Variants in NRG2 observed in about 807,000 individuals in gnomAD.
NRG2 encodes neuregulin 2.
Under a neutral mutation model 73.9 loss-of-function variants are expected in NRG2, and 27 were observed. That is an observed-to-expected ratio of 0.37 (90% confidence interval 0.27 to 0.50). The LOEUF is 0.50. NRG2 is among the 20% of genes least tolerant of loss of function. The pLI, the probability that NRG2 is intolerant of heterozygous loss-of-function variation, is 0.96. For missense variants in NRG2, 1,126 were observed against 1,210.1 expected (o/e 0.93, Z 1.03); for synonymous variants, 532 against 541.0 (o/e 0.98, Z 0.23).
At chr5:139,945,229 C>T (rs1242565170) in intron 1 of NRG2, among the ~76,000 whole-genome samples, 1 of 151,998 alleles carries the variant, frequency 6.6e-6, no homozygotes, top group African/African-American at 2.4e-5. Context: ...TTGATTGTTT[C>T]CTTTGATATG....
intron 1 of NRG2, among the ~76,000 whole-genome samples, chr5:140,005,155 GC>G (rs1162408090): frequency 6.6e-6 from 1 of 152,118 alleles, no homozygotes; most frequent in Non-Finnish European, 1.5e-5. Flanking sequence ...ACTCCCTGGG[GC>G]CAAAAGCGAG....
chr5:139,874,246 C>T (rs1442272181), intron 3 of NRG2, among the ~76,000 whole-genome samples: 2 of 152,238 alleles, frequency 1.3e-5, no homozygotes, highest in African/African-American at 4.8e-5. Flanking sequence ...ATATCTCTCA[C>T]TATGGTTGCC....
Position 139,904,538 on chromosome 5 carries a change from T to C in NRG2, c.701-17027A>G, listed in dbSNP as rs919296944. The C allele has an allele frequency of 4.0e-6, 2 of 506,318 alleles. No individual in the cohort carries two copies. The highest frequency in any genetic ancestry group is 6.9e-6 in the Non-Finnish European group (2 of 289,196). 31.4% of individuals were successfully genotyped at this position (506,318 alleles called of 1,614,324 possible). On this transcript the variant is annotated intron_variant, in intron 1 of 9. Coordinates refer to ENST00000361474, the MANE Select transcript of NRG2 (RefSeq NM_004883.3). This position sits in a 1 kb window ranked among gnomAD's most constrained non-coding sequence, Gnocchi z 6.0. ...CTCCGGGGGAGGGGAGCAGCGAGCC[T>C]TAACTCTTCCCCTCCCGCGCCCTCC...
In NRG2 at chr5:139,904,281, T is replaced by C; in HGVS notation, c.701-16770A>G. On this transcript the variant is annotated intron_variant, in intron 1 of 9. Coordinates refer to ENST00000361474, the MANE Select transcript of NRG2 (RefSeq NM_004883.3). The surrounding 1 kb of genome is among the most constrained non-coding windows in gnomAD (Gnocchi z 6.0). ...GCAGGTTTCTCCCAGGGAAACCGGG[T>C]TTCTGGGCGCGCGGAGGTGCCCTAC... is the stretch of plus-strand genomic sequence containing the variant. 6.3e-7 allele frequency: 1 copy of C among 1,577,222 alleles called. No homozygotes were observed. Among genetic ancestry groups the C allele is most frequent in the Non-Finnish European group, 8.5e-7 (1 of 1,170,246 alleles).
At chr5:139,907,642 C>T (rs985925616) in intron 1 of NRG2, among the ~76,000 whole-genome samples, 1 of 152,120 alleles carries the variant, frequency 6.6e-6, no homozygotes, top group Admixed American at 6.5e-5. Flanking sequence ...ATGAATGATA[C>T]GAGTCAGAAA....
chr5:139,958,771 C>T (rs1754833829), intron 1 of NRG2, among the ~76,000 whole-genome samples: 1 of 152,200 alleles, frequency 6.6e-6, no homozygotes, highest in Non-Finnish European at 1.5e-5. Flanking sequence ...CACCCCTGTC[C>T]ACCACTCACG....
Position 140,043,246 on chromosome 5 carries a change from C to A in NRG2, c.-177G>T. 3.3e-6 allele frequency: 2 copies of A among 613,960 alleles called. No homozygotes were observed. Among genetic ancestry groups the A allele is most frequent in the Non-Finnish European group, 5.5e-6 (2 of 366,094 alleles). The allele number at this position is 613,960 out of a possible 1,614,324, so 38.0% of individuals were successfully genotyped here. A position where few individuals can be genotyped will look rare whatever the true frequency, so the allele number is the denominator to read the frequency against. On this transcript the variant is annotated 5_prime_UTR_variant, in exon 1 of 10. Transcript: ENST00000361474. The surrounding 1 kb of genome is among the most constrained non-coding windows in gnomAD (Gnocchi z 6.7). ...CAGGCGGCAAGCGGGCCGCGATGCG[C>A]AGCGCGGCGCAGCGCAGCGCTCCCA...
At chr5:139,893,876 T>C (rs944577844) in intron 1 of NRG2, among the ~76,000 whole-genome samples, 7 of 152,202 alleles carry the variant, frequency 4.6e-5, no homozygotes, top group Admixed American at 3.3e-4. Flanking sequence ...CACCTCCCCA[T>C]GGTTGCCATG....
intron 5 of NRG2, among the ~76,000 whole-genome samples, chr5:139,857,642 C>G (rs1228911780): frequency 6.6e-6 from 1 of 151,936 alleles, no homozygotes; most frequent in Admixed American, 6.6e-5. Flanking sequence ...TCAGTTGCAT[C>G]CTACTTGGGC....
At chr5:140,037,860 A>ATC (rs1761621679) in intron 1 of NRG2, among the ~76,000 whole-genome samples, 1 of 143,622 alleles carries the variant, frequency 7.0e-6, no homozygotes, top group Non-Finnish European at 1.5e-5. Context: ...GTGAGCTGAG[A>ATC]ATGTGCCACT....
chr5:139,906,038 C>T (rs1765202529), intron 1 of NRG2, among the ~76,000 whole-genome samples: 1 of 152,066 alleles, frequency 6.6e-6, no homozygotes, highest in Non-Finnish European at 1.5e-5. Flanking sequence ...GATGTAGTCT[C>T]ACTCTGTCGC....
intron 1 of NRG2, among the ~76,000 whole-genome samples, chr5:139,934,527 T>C (rs923856632): frequency 8.6e-5 from 13 of 151,208 alleles, no homozygotes; most frequent in African/African-American, 3.2e-4. Context: ...AACGAGCCAG[T>C]AAAAAGGTAA....
intron 1 of NRG2, among the ~76,000 whole-genome samples, chr5:139,949,480 C>T (rs571361840): frequency 7.2e-5 from 11 of 152,032 alleles, no homozygotes; most frequent in African/African-American, 1.9e-4. Flanking sequence ...AAGTAATTCT[C>T]AATAAGTACA....
intron 1 of NRG2, among the ~76,000 whole-genome samples, chr5:139,987,910 G>C (rs1040233204): frequency 6.6e-6 from 1 of 152,006 alleles, no homozygotes; most frequent in Non-Finnish European, 1.5e-5. Context: ...GAGTAGCTGG[G>C]ACTATAGGCG....
chr5:139,928,313 A>C (rs1428133674), intron 1 of NRG2, among the ~76,000 whole-genome samples: 1 of 152,062 alleles, frequency 6.6e-6, no homozygotes, highest in Non-Finnish European at 1.5e-5. Flanking sequence ...TGCAGCAATG[A>C]ATATAGTGTG....
intron 1 of NRG2, among the ~76,000 whole-genome samples, chr5:140,036,490 A>C (rs987383261): frequency 6.6e-6 from 1 of 152,212 alleles, no homozygotes; most frequent in African/African-American, 2.4e-5. Flanking sequence ...TTTTTAAAGA[A>C]GTCTACTTTA....
intron 1 of NRG2, among the ~76,000 whole-genome samples, chr5:139,993,635 T>C (rs888413577): frequency 5.9e-5 from 9 of 152,226 alleles, no homozygotes; most frequent in Admixed American, 5.9e-4. Flanking sequence ...CTCCAGCCCA[T>C]AGTGTAAGCT....
intron 1 of NRG2, among the ~76,000 whole-genome samples, chr5:139,889,816 G>C (rs759391443): frequency 6.6e-6 from 1 of 152,102 alleles, no homozygotes; most frequent in Non-Finnish European, 1.5e-5. Flanking sequence ...AACTTCATTC[G>C]TTTGCGCCTC....
intron 1 of NRG2, among the ~76,000 whole-genome samples, chr5:139,997,798 G>C (rs1289155907): frequency 6.6e-6 from 1 of 152,234 alleles, no homozygotes; most frequent in Non-Finnish European, 1.5e-5. Context: ...TTCCAAGCCT[G>C]CTGCCTACAA....
Sources: gnomAD v4.1 joint callset for allele counts (sites outside exome capture counted in the v4.1 genomes callset) on GRCh38, gnomAD v4.1.1 for gene constraint, Gnocchi (gnomAD v3.1) non-coding constraint, MANE v1.5 for transcripts, NCBI Gene and HGNC (gene_info 2026-07-23, HGNC 2026-07-21) for gene names.